ZNF106: variants seen among roughly 807,000 people sequenced by gnomAD.
The protein encoded by ZNF106 is zinc finger protein 106, also known as SH3-domain binding protein 3.
In ZNF106, 67 loss-of-function variants were observed where a neutral mutation model predicts 195.1. The ratio of observed to expected loss-of-function variants is 0.34; its 90% CI spans 0.28 to 0.42. ZNF106 has a LOEUF of 0.42. ZNF106 is among the 10% of genes least tolerant of loss of function. ZNF106 has a pLI of 1.00. For missense variants in ZNF106, 2,118 were observed against 2,304.5 expected (o/e 0.92, Z 1.66); for synonymous variants, 784 against 818.6 (o/e 0.96, Z 0.72).
At chr15:42,460,221 C>T (rs1303831325) in intron 3 of ZNF106, among the ~76,000 whole-genome samples, 1 of 151,916 alleles carries the variant, frequency 6.6e-6, no homozygotes, top group Non-Finnish European at 1.5e-5. Context: ...AAATAAAATC[C>T]ATGATTTTAT....
intron 3 of ZNF106, among the ~76,000 whole-genome samples, chr15:42,461,725 A>G (rs1034078864): frequency 6.6e-6 from 1 of 152,246 alleles, no homozygotes; most frequent in African/African-American, 2.4e-5. Flanking sequence ...GATCACAACC[A>G]AAAACTGTAG....
chr15:42,414,944 A>C lies in ZNF106; in HGVS notation c.*2360T>G, dbSNP rs936362056. On this transcript the variant is annotated 3_prime_UTR_variant, in exon 22 of 22. Transcript: ENST00000564754. ...GGAAAAGCTTCTCAATCTCATACAG[A>C]AACAGCACAAATATTTAATACACCT... 2 of 152,276 alleles carry C rather than the reference A, an allele frequency of 1.3e-5. No individual in the cohort carries two copies. Among genetic ancestry groups the C allele is most frequent in the African/African-American group, 4.8e-5 (2 of 41,436 alleles). The allele number at this position is 152,276 out of a possible 1,614,324, so 9.4% of individuals were successfully genotyped here.
At chr15:42,483,291 G>C (rs2056943633) in intron 1 of ZNF106, among the ~76,000 whole-genome samples, 1 of 152,158 alleles carries the variant, frequency 6.6e-6, no homozygotes, top group African/African-American at 2.4e-5. Flanking sequence ...GACCAGAACA[G>C]GACTCTCATG....
Position 42,452,458 on chromosome 15 carries a change from G to A in ZNF106, c.318-504C>T, listed in dbSNP as rs559007254. Among the ~76,000 whole-genome samples, 16 of 152,130 alleles carry A rather than the reference G, an allele frequency of 1.1e-4. 1 individual carries two copies. In the South Asian group the frequency reaches 3.1e-3, roughly 30 times the overall value. ...GAATCACTTGAACCCAGGAGGTGGA[G>A]GTTGCAGTGAGCTGAGATTATGCCA... On this transcript the variant is annotated intron_variant, in intron 4 of 21. Coordinates refer to ENST00000564754, the MANE Select transcript of ZNF106 (RefSeq NM_001366845.3).
intron 2 of ZNF106, among the ~76,000 whole-genome samples, chr15:42,468,619 T>C (rs1021445142): frequency 6.6e-6 from 1 of 151,448 alleles, no homozygotes; most frequent in Non-Finnish European, 1.5e-5. Context: ...AGCGCGTGCC[T>C]GTAATCCCAG....
At chr15:42,436,324 A>G (rs1402784650) in intron 13 of ZNF106, among the ~76,000 whole-genome samples, 2 of 152,204 alleles carry the variant, frequency 1.3e-5, no homozygotes, top group East Asian at 3.8e-4. Context: ...TTTAGAATGT[A>G]CATATATACA....
At chr15:42,437,427 G>A in intron 12 of ZNF106, 50 bp from the exon 13 acceptor site, 3 of 1,592,106 alleles carry the variant, frequency 1.9e-6, no homozygotes, top group Admixed American at 1.8e-5. Flanking sequence ...AGTCTGAAAA[G>A]ATACTCAAAA....
At chr15:42,431,008 G>A (rs1167137489) in intron 14 of ZNF106, among the ~76,000 whole-genome samples, 4 of 152,052 alleles carry the variant, frequency 2.6e-5, no homozygotes, top group East Asian at 3.9e-4. Context: ...TTAAAACCAC[G>A]AATTTCCCTT....
chr15:42,417,475 C>A, intron 21 of ZNF106, 115 bp from the exon 22 acceptor site: 1 of 1,238,892 alleles, frequency 8.1e-7, no homozygotes, highest in Admixed American at 2.1e-5. Context: ...ACAGGAAAGG[C>A]AGTTAGGAGC....
At chr15:42,458,369 G>A (rs1197822327) in intron 3 of ZNF106, among the ~76,000 whole-genome samples, 7 of 149,702 alleles carry the variant, frequency 4.7e-5, no homozygotes, top group African/African-American at 1.7e-4. Flanking sequence ...ATTTACTAGA[G>A]GACAGTTACT....
At chr15:42,429,987 G>A (rs1199282750) in intron 14 of ZNF106, among the ~76,000 whole-genome samples, 1 of 152,024 alleles carries the variant, frequency 6.6e-6, no homozygotes, top group African/African-American at 2.4e-5. Flanking sequence ...TATGCCCAGG[G>A]AGGCATTTGA....
chr15:42,422,102 G>A, intron 18 of ZNF106, 114 bp from the exon 19 acceptor site: 1 of 717,550 alleles, frequency 1.4e-6, no homozygotes, highest in Non-Finnish European at 2.1e-6. Context: ...CCAAGTGGAA[G>A]CACCAGTAGC....
At chr15:42,421,784 C>A in intron 19 of ZNF106, 133 bp downstream of exon 19, 1 of 587,990 alleles carries the variant, frequency 1.7e-6, no homozygotes, top group East Asian at 2.8e-5. Context: ...TGGTTACTTC[C>A]CTATTATGCC....
At chr15:42,426,319 C>T (rs2054854868) in intron 15 of ZNF106, among the ~76,000 whole-genome samples, 1 of 151,890 alleles carries the variant, frequency 6.6e-6, no homozygotes, top group African/African-American at 2.4e-5. Flanking sequence ...CTTTAAAGAA[C>T]TTTTCCATTT....
At chr15:42,465,479 G>T (rs965716189) in intron 3 of ZNF106, among the ~76,000 whole-genome samples, 1 of 150,236 alleles carries the variant, frequency 6.7e-6, no homozygotes, top group African/African-American at 2.5e-5. Context: ...GTCTTTCTAC[G>T]TTGCCCAGGC....
chr15:42,487,302 T>C (rs1190397205), intron 1 of ZNF106, among the ~76,000 whole-genome samples: 1 of 151,732 alleles, frequency 6.6e-6, no homozygotes, highest in Non-Finnish European at 1.5e-5. Context: ...GGTGACACAG[T>C]GAGACCTCCT....
chr15:42,466,010 C>T, intron 3 of ZNF106, 43 bp downstream of exon 3: 1 of 1,479,190 alleles, frequency 6.8e-7, no homozygotes, highest in Non-Finnish European at 9.1e-7. Context: ...TCACTCAGAT[C>T]CACCCACATT....
chr15:42,429,534 T>C (rs554713005), intron 14 of ZNF106, among the ~76,000 whole-genome samples: 2 of 152,052 alleles, frequency 1.3e-5, no homozygotes, highest in Non-Finnish European at 2.9e-5. Flanking sequence ...TCAAGATGGT[T>C]ACAATTGGGT....
At chr15:42,478,386 A>G (rs1428841684) in intron 1 of ZNF106, among the ~76,000 whole-genome samples, 2 of 150,266 alleles carry the variant, frequency 1.3e-5, no homozygotes, top group Non-Finnish European at 3.0e-5. Context: ...TTGGTCTCAA[A>G]CTCCTGACCT....
Sources: gnomAD v4.1 joint callset for allele counts (sites outside exome capture counted in the v4.1 genomes callset) on GRCh38, gnomAD v4.1.1 for gene constraint, MANE v1.5 for transcripts, NCBI Gene and HGNC (gene_info 2026-07-23, HGNC 2026-07-21) for gene names.